The following RADX variants were observed in gnomAD, a reference collection of about 807,000 sequenced individuals.
RADX encodes RPA-related protein RADX.
Under a neutral mutation model 61.6 loss-of-function variants are expected in RADX, and 36 were observed. The observed-to-expected ratio is 0.58, with a 90% CI of 0.45 to 0.77. RADX has a LOEUF of 0.77. Among genes scored for constraint, RADX ranks in the 30% least tolerant of loss-of-function variants. The pLI is 0.00. For missense variants in RADX, 497 were observed against 651.1 expected (o/e 0.76, Z 2.58); for synonymous variants, 272 against 237.9 (o/e 1.14, Z -1.32).
intron 3 of RADX, among the ~76,000 whole-genome samples, chrX:106,630,268 T>C (rs909898850): frequency 1.5e-4 from 16 of 109,218 alleles, no homozygotes; most frequent in Non-Finnish European, 2.7e-4. Flanking sequence ...GAGGCTTCAA[T>C]GAGCCGTGAT....
At position 106,673,733 on chromosome X, in the gene RADX, G is replaced by A. The variant is rs1167010410; in HGVS notation, c.2438-4395G>A. 3.0e-5 allele frequency among the ~76,000 whole-genome samples: 3 copies of A among 98,398 alleles called. No homozygotes were observed. The East Asian group carries it at 1.1e-3, about 35-fold the overall frequency. 85.4% of individuals were successfully genotyped at this position (98,398 alleles called of 115,157 possible). ...GTACACTGTCTCTGAGTCCAGTTCA[G>A]CACTAGGACTCTCCTAGGAGCTGCA... On this transcript the variant is annotated intron_variant, in intron 13 of 13. Coordinates refer to ENST00000372548, the MANE Select transcript of RADX (RefSeq NM_018015.6).
intron 13 of RADX, among the ~76,000 whole-genome samples, chrX:106,676,290 G>A (rs187123925): frequency 7.4e-4 from 83 of 112,377 alleles, no homozygotes; most frequent in African/African-American, 2.6e-3. Context: ...AAGTCTAGCA[G>A]AGATGGATTT....
chrX:106,661,181 T>C (rs1432572633), intron 11 of RADX, among the ~76,000 whole-genome samples: 2 of 111,002 alleles, frequency 1.8e-5, no homozygotes, highest in Non-Finnish European at 3.8e-5. Flanking sequence ...AATTATATTC[T>C]GCATTAGAAA....
chrX:106,655,424 G>A (rs1268104092), intron 11 of RADX, among the ~76,000 whole-genome samples: 1 of 107,496 alleles, frequency 9.3e-6, no homozygotes, highest in East Asian at 3.0e-4. Flanking sequence ...CATGTGCCAT[G>A]TTAGTGTGCT....
At chrX:106,648,028 G>T (rs1195568326) in intron 10 of RADX, among the ~76,000 whole-genome samples, 1 of 110,177 alleles carries the variant, frequency 9.1e-6, no homozygotes, top group Non-Finnish European at 1.9e-5. Flanking sequence ...TTAAATTTCT[G>T]TCATAAAGAA....
chrX:106,648,228 T>C (rs1456030864), intron 10 of RADX, 85 bp from the exon 11 acceptor site: 2 of 551,516 alleles, frequency 3.6e-6, no homozygotes, highest in Non-Finnish European at 5.9e-6. Context: ...TGAATTAAAA[T>C]AAATTCTGAA....
intron 11 of RADX, among the ~76,000 whole-genome samples, chrX:106,658,745 C>T (rs191135635): frequency 2.2e-3 from 248 of 111,550 alleles, no homozygotes; most frequent in African/African-American, 7.9e-3. Context: ...AAAAGTCATT[C>T]ATTTTGTGAA....
At chrX:106,644,610 A>G (rs1287637045) in intron 10 of RADX, among the ~76,000 whole-genome samples, 1 of 111,323 alleles carries the variant, frequency 9.0e-6, no homozygotes, top group Non-Finnish European at 1.9e-5. Context: ...CATCCCAGGG[A>G]TAAATCTCCC....
intron 12 of RADX, among the ~76,000 whole-genome samples, chrX:106,666,434 A>T (rs1413289664): frequency 8.9e-6 from 1 of 112,033 alleles, no homozygotes; most frequent in East Asian, 2.8e-4. Context: ...ATTAATTGGT[A>T]AGGGAATCAA....
At chrX:106,632,506 C>A in intron 3 of RADX, 119 bp from the exon 4 acceptor site, 1 of 393,300 alleles carries the variant, frequency 2.5e-6, no homozygotes, top group Non-Finnish European at 4.4e-6. Flanking sequence ...TAGTCTAGTT[C>A]TTGAGTTTAG....
chrX:106,674,210 G>A (rs1928445854), intron 13 of RADX, among the ~76,000 whole-genome samples: 1 of 111,153 alleles, frequency 9.0e-6, no homozygotes, highest in Non-Finnish European at 1.9e-5. Context: ...CTTGCCAGGG[G>A]AGGGGTGGGA....
At chrX:106,621,041 A>G (rs1354972063) in intron 1 of RADX, among the ~76,000 whole-genome samples, 1 of 112,120 alleles carries the variant, frequency 8.9e-6, no homozygotes, top group Non-Finnish European at 1.9e-5. Flanking sequence ...TTACAAAACT[A>G]TGTAGCTCTT....
chrX:106,657,829 A>G (rs1429589987), intron 11 of RADX, among the ~76,000 whole-genome samples: 3 of 111,260 alleles, frequency 2.7e-5, no homozygotes, highest in Non-Finnish European at 5.7e-5. Flanking sequence ...CAGTAATCAC[A>G]GGTCACCATA....
chrX:106,661,927 C>G, intron 11 of RADX, 88 bp from the exon 12 acceptor site: 1 of 795,442 alleles, frequency 1.3e-6, no homozygotes, highest in Non-Finnish European at 1.8e-6. Flanking sequence ...AACTCTTCCT[C>G]ATTAATGTGT....
intron 11 of RADX, among the ~76,000 whole-genome samples, chrX:106,649,629 G>A (rs1176865251): frequency 3.6e-5 from 4 of 111,816 alleles, no homozygotes; most frequent in Non-Finnish European, 7.5e-5. Context: ...CTCACAGGAA[G>A]TGGTTATTTG....
At chrX:106,620,265 A>T (rs910021832) in intron 1 of RADX, among the ~76,000 whole-genome samples, 2 of 112,383 alleles carry the variant, frequency 1.8e-5, no homozygotes, top group Non-Finnish European at 3.8e-5. Context: ...GTTTTGGAAA[A>T]TATAGTCATT....
intron 10 of RADX, among the ~76,000 whole-genome samples, chrX:106,642,118 T>A (rs1927527957): frequency 1.8e-5 from 2 of 110,085 alleles, no homozygotes; most frequent in Admixed American, 9.7e-5. Context: ...CTTTTAATTT[T>A]TGTGGGTACA....
chrX:106,640,921 A>G (rs1927497445), intron 10 of RADX, among the ~76,000 whole-genome samples, 200 bp downstream of exon 10: 1 of 110,984 alleles, frequency 9.0e-6, no homozygotes, highest in Non-Finnish European at 1.9e-5. Context: ...AGGTGTCAAC[A>G]GCATTGGTTC....
intron 1 of RADX, among the ~76,000 whole-genome samples, chrX:106,613,398 T>C (rs1339258386): frequency 8.9e-6 from 1 of 111,818 alleles, no homozygotes; most frequent in East Asian, 2.8e-4. Flanking sequence ...AAACACTAGC[T>C]TGCCATCAGC....
Sources: gnomAD v4.1 joint callset for allele counts (sites outside exome capture counted in the v4.1 genomes callset) on GRCh38, gnomAD v4.1.1 for gene constraint, MANE v1.5 for transcripts, NCBI Gene and HGNC (gene_info 2026-07-23, HGNC 2026-07-21) for gene names.